The following VPS13B variants were observed in gnomAD, a reference collection of about 807,000 sequenced individuals.
The protein encoded by VPS13B is vacuolar protein sorting 13 homolog B, also known as intermembrane lipid transfer protein VPS13B.
A neutral mutation model predicts 426.4 loss-of-function variants in VPS13B; 285 were observed. The ratio of observed to expected loss-of-function variants is 0.67; its 90% CI spans 0.61 to 0.74. The LOEUF (loss-of-function observed/expected upper bound fraction) is 0.74. VPS13B is among the 30% of genes least tolerant of loss of function. The pLI is 0.00. For missense variants in VPS13B, 4,537 were observed against 4,782.6 expected (o/e 0.95, Z 1.51); for synonymous variants, 1,676 against 1,676.4 (o/e 1.00, Z 0.01).
At chr8:99,690,349 T>C (rs1239946601) in intron 35 of VPS13B, among the ~76,000 whole-genome samples, 1 of 152,194 alleles carries the variant, frequency 6.6e-6, no homozygotes, top group Non-Finnish European at 1.5e-5. Flanking sequence ...ACTGTAAAAC[T>C]CTTAAAAGAA....
chr8:99,395,354 G>T (rs953549553), intron 21 of VPS13B, among the ~76,000 whole-genome samples: 1 of 152,198 alleles, frequency 6.6e-6, no homozygotes, highest in African/African-American at 2.4e-5. Context: ...ACCTCACAGG[G>T]TTTGGCAAGG....
At chr8:99,132,205 G>A (rs1809843530) in intron 8 of VPS13B, among the ~76,000 whole-genome samples, 1 of 152,088 alleles carries the variant, frequency 6.6e-6, no homozygotes, top group South Asian at 2.1e-4. Flanking sequence ...CTTCAGAGTA[G>A]AACCTCTGTC....
intron 23 of VPS13B, among the ~76,000 whole-genome samples, chr8:99,451,016 TA>T (rs1005468235): frequency 1.3e-5 from 2 of 152,180 alleles, no homozygotes; most frequent in Admixed American, 1.3e-4. Flanking sequence ...TTTAATAATT[TA>T]AAAAATTACT....
intron 21 of VPS13B, among the ~76,000 whole-genome samples, chr8:99,411,380 A>G (rs1216995654): frequency 6.6e-6 from 1 of 152,180 alleles, no homozygotes; most frequent in Non-Finnish European, 1.5e-5. Flanking sequence ...GTGTCTGTTC[A>G]TATCCTTTGC....
intron 19 of VPS13B, among the ~76,000 whole-genome samples, chr8:99,278,205 C>T (rs533292415): frequency 6.6e-6 from 1 of 152,132 alleles, no homozygotes; most frequent in South Asian, 2.1e-4. Flanking sequence ...CATATACTCT[C>T]AAATTGAGGG....
intron 39 of VPS13B, among the ~76,000 whole-genome samples, chr8:99,722,511 T>TC (rs1017378597): frequency 4.0e-5 from 6 of 149,602 alleles, no homozygotes; most frequent in African/African-American, 1.5e-4. Flanking sequence ...GTAATTCCTT[T>TC]TTTTTTTTTT....
Position 99,043,450 on chromosome 8 carries a change from T to C in VPS13B, c.291+4884T>C, listed in dbSNP as rs183776106. The stretch of plus-strand genomic sequence containing the variant: ...TCTCTCTTAGCTTGGCTGAAGTCTG[T>C]GTTTATCGTCACTGTTATTGGTGAG... On this transcript the variant is annotated intron_variant, in intron 3 of 61. Coordinates refer to ENST00000357162, the MANE Select transcript of VPS13B (RefSeq NM_152564.5). Among the ~76,000 whole-genome samples the C allele has an allele frequency of 3.3e-5, 5 of 152,078 alleles. No individual in the cohort carries two copies. In the East Asian group the frequency reaches 9.6e-4, roughly 29 times the overall value.
At chr8:99,815,667 G>A (rs1031654634) in intron 44 of VPS13B, among the ~76,000 whole-genome samples, 2 of 152,000 alleles carry the variant, frequency 1.3e-5, no homozygotes, top group African/African-American at 2.4e-5. Flanking sequence ...ATGTGTGTGT[G>A]TGTTATTCTG....
intron 33 of VPS13B, among the ~76,000 whole-genome samples, chr8:99,621,820 CTTTTTTTTT>C (rs749078781): frequency 1.1e-4 from 9 of 83,236 alleles, no homozygotes; most frequent in South Asian, 8.5e-4. Context: ...TGTTTTGTTT[CTTTTTTTTT>C]TTTTTTTTTT....
At chr8:99,614,323 G>A (rs940764685) in intron 33 of VPS13B, among the ~76,000 whole-genome samples, 1 of 151,798 alleles carries the variant, frequency 6.6e-6, no homozygotes, top group African/African-American at 2.4e-5. Flanking sequence ...TGTTGCACAG[G>A]CTGGAGTGCA....
intron 54 of VPS13B, among the ~76,000 whole-genome samples, chr8:99,840,395 T>A (rs1251311222): frequency 6.6e-6 from 1 of 152,234 alleles, no homozygotes; most frequent in African/African-American, 2.4e-5. Context: ...TGAAATCACT[T>A]TTTAAAAAAT....
At chr8:99,248,976 TC>T (rs1194174193) in intron 17 of VPS13B, among the ~76,000 whole-genome samples, 2 of 152,148 alleles carry the variant, frequency 1.3e-5, no homozygotes, top group Non-Finnish European at 2.9e-5. Context: ...CTACCAGGTC[TC>T]AGTTTCAAAA....
chr8:99,493,914 C>T (rs1820758034), intron 25 of VPS13B, among the ~76,000 whole-genome samples: 1 of 151,720 alleles, frequency 6.6e-6, no homozygotes, highest in Non-Finnish European at 1.5e-5. Flanking sequence ...GATCCTTTTT[C>T]CATCTCCAAC....
At chr8:99,668,672 A>G (rs1323498295) in intron 35 of VPS13B, among the ~76,000 whole-genome samples, 2 of 151,780 alleles carry the variant, frequency 1.3e-5, no homozygotes, top group Non-Finnish European at 2.9e-5. Flanking sequence ...CCAACCCCCC[A>G]CCTTTTCCCC....
At chr8:99,339,376 A>C (rs1435458844) in intron 19 of VPS13B, among the ~76,000 whole-genome samples, 1 of 152,098 alleles carries the variant, frequency 6.6e-6, no homozygotes, top group Non-Finnish European at 1.5e-5. Context: ...GGGAAGGTGG[A>C]GGTGGAGTAG....
In VPS13B at chr8:99,875,823, A is replaced by AC. The variant is rs1233330043; in HGVS notation, c.*159dup. 1 of 926,158 alleles carries AC rather than the reference A, an allele frequency of 1.1e-6. No homozygotes were observed. 57.4% of individuals were successfully genotyped at this position (926,158 alleles called of 1,614,324 possible). On this transcript the variant is annotated 3_prime_UTR_variant, in exon 62 of 62. Coordinates refer to ENST00000357162, the MANE Select transcript of VPS13B (RefSeq NM_152564.5). The stretch of plus-strand genomic sequence containing the variant: ...GTAGCTACGACTGCAAGCACCTGCC[A>AC]CCATAAAGGGCTGCATTTTGCCACC...
chr8:99,739,213 G>A (rs1833962698), intron 39 of VPS13B, among the ~76,000 whole-genome samples: 1 of 152,250 alleles, frequency 6.6e-6, no homozygotes, highest in East Asian at 1.9e-4. Flanking sequence ...TACCCGTGGA[G>A]CCTCGCTCAT....
chr8:99,834,740 T>C (rs1454143868), intron 52 of VPS13B, among the ~76,000 whole-genome samples: 1 of 152,052 alleles, frequency 6.6e-6, no homozygotes, highest in Non-Finnish European at 1.5e-5. Context: ...TGTATTTTGC[T>C]GTAGAGATGG....
chr8:99,353,391 A>G (rs1482093661), intron 19 of VPS13B, among the ~76,000 whole-genome samples: 1 of 152,222 alleles, frequency 6.6e-6, no homozygotes, highest in African/African-American at 2.4e-5. Context: ...ACTGAAACTT[A>G]TGTGGTGAAA....
Sources: gnomAD v4.1 joint callset for allele counts (sites outside exome capture counted in the v4.1 genomes callset) on GRCh38, gnomAD v4.1.1 for gene constraint, MANE v1.5 for transcripts, NCBI Gene and HGNC (gene_info 2026-07-23, HGNC 2026-07-21) for gene names.